DUXA: variants seen among roughly 807,000 people sequenced by gnomAD.
The protein encoded by DUXA is double homeobox A, also known as double homeobox protein A.
Under a neutral mutation model 27.5 loss-of-function variants are expected in DUXA, and 25 were observed. That is an observed-to-expected ratio of 0.91 (90% CI 0.66 to 1.27). The LOEUF (loss-of-function observed/expected upper bound fraction) is 1.27. Among genes scored for constraint, DUXA ranks in the 50% most tolerant of loss-of-function variants. The pLI, the probability that DUXA is intolerant of heterozygous loss-of-function variation, is 0.00. For missense variants in DUXA, 247 were observed against 242.9 expected, an observed-to-expected ratio of 1.02 and a Z score of -0.11; for synonymous variants, 90 against 80.5, an observed-to-expected ratio of 1.12 and a Z score of -0.63.
At chr19:57,164,612 G>T (rs1002709906) in intron 1 of DUXA, among the ~76,000 whole-genome samples, 1 of 151,808 alleles carries the variant, frequency 6.6e-6, no homozygotes, top group Non-Finnish European at 1.5e-5. Context: ...TTTAAAAAAG[G>T]CTAGATGACT....
At chr19:57,160,852 A>C (rs2087017409) in intron 1 of DUXA, 55 bp from the exon 2 acceptor site, 1 of 1,592,232 alleles carries the variant, frequency 6.3e-7, no homozygotes, top group Non-Finnish European at 8.6e-7. Context: ...ATATACTCAA[A>C]CTTCAGGTTC....
At chr19:57,155,206 G>C (rs1044422493) in intron 5 of DUXA, 61 bp downstream of exon 5, 30 of 1,474,846 alleles carry the variant, frequency 2.0e-5, no homozygotes, top group Non-Finnish European at 2.7e-5. Flanking sequence ...CCACCATGAC[G>C]AAGCACTGGA....
In DUXA at chr19:57,154,395, A is replaced by G. The variant is rs751805797; in HGVS notation, c.*17T>C. Reference sequence around the variant, plus strand: ...GGGTCCAGTTGATATTATCAAGTACACTGAATTTGACTGTGTTCACCACGT... The same window carrying G: ...GGGTCCAGTTGATATTATCAAGTACGCTGAATTTGACTGTGTTCACCACGT... On this transcript the variant is annotated 3_prime_UTR_variant, in exon 6 of 6. Coordinates refer to ENST00000554048, the MANE Select transcript of DUXA (RefSeq NM_001012729.2). 50 of 1,610,808 alleles carry G rather than the reference A, an allele frequency of 3.1e-5. No homozygotes were observed. The highest frequency in any genetic ancestry group is 4.1e-5 in the Non-Finnish European group (48 of 1,177,416).
chr19:57,156,397 C>T (rs1223044753), intron 4 of DUXA, among the ~76,000 whole-genome samples: 1 of 152,092 alleles, frequency 6.6e-6, no homozygotes, highest in Non-Finnish European at 1.5e-5. Context: ...AATCCCTCAC[C>T]TTCCAGCAGC....
chr19:57,160,350 A>G (rs758541143), intron 2 of DUXA, among the ~76,000 whole-genome samples: 3 of 152,228 alleles, frequency 2.0e-5, no homozygotes, highest in Non-Finnish European at 4.4e-5. Flanking sequence ...AATTATTAAT[A>G]TTTAATTGGT....
Position 57,159,281 on chromosome 19 carries a change from A to C in DUXA, c.181-3T>G. On this transcript the variant is annotated splice_polypyrimidine_tract_variant and splice_region_variant and intron_variant, in intron 2 of 5. Transcript: ENST00000554048. ...GCTCTTCGATTCTGAAACCAAATCT[A>C]AGTGAGGAAAAGAAAAGGAGAGAAT... The C allele has an allele frequency of 6.2e-7, 1 of 1,612,198 alleles. No individual in the cohort carries two copies.
intron 4 of DUXA, among the ~76,000 whole-genome samples, chr19:57,155,696 T>C (rs2086990249): frequency 1.6e-5 from 1 of 61,972 alleles, no homozygotes; most frequent in Admixed American, 1.4e-4. Context: ...TAATACGGAG[T>C]CTCACTCGGT....
intron 4 of DUXA, among the ~76,000 whole-genome samples, chr19:57,158,009 G>A (rs1354492026): frequency 1.3e-5 from 2 of 149,430 alleles, no homozygotes; most frequent in Non-Finnish European, 3.0e-5. Flanking sequence ...AAAAAAAAAG[G>A]CTTTAGCCAA....
At position 57,156,725 on chromosome 19, in the gene DUXA, C is replaced by T. The variant is rs926679307; in HGVS notation, c.439-1353G>A. ...TGTTGCCCAGGCTGAATTGCAGTGGCGTGATCTCGGCTCACCGCAACCTCC... is the reference window on the plus strand; with the variant it reads ...TGTTGCCCAGGCTGAATTGCAGTGGTGTGATCTCGGCTCACCGCAACCTCC... On this transcript the variant is annotated intron_variant, in intron 4 of 5. Coordinates refer to ENST00000554048, the MANE Select transcript of DUXA (RefSeq NM_001012729.2). Among the ~76,000 whole-genome samples, 10 of 152,180 alleles carry T rather than the reference C, an allele frequency of 6.6e-5. No homozygotes were observed. The East Asian group carries it at 1.5e-3, about 24-fold the overall frequency.
At chr19:57,163,081 G>T (rs2087032806) in intron 1 of DUXA, among the ~76,000 whole-genome samples, 1 of 151,914 alleles carries the variant, frequency 6.6e-6, no homozygotes, top group Non-Finnish European at 1.5e-5. Context: ...GTGTACTCCT[G>T]CCATGATATC....
At chr19:57,160,339 T>C (rs989806406) in intron 2 of DUXA, among the ~76,000 whole-genome samples, 3 of 152,254 alleles carry the variant, frequency 2.0e-5, no homozygotes, top group African/African-American at 4.8e-5. Flanking sequence ...TGATTTGCTC[T>C]AATTATTAAT....
intron 4 of DUXA, among the ~76,000 whole-genome samples, chr19:57,156,727 T>G (rs2086994846): frequency 6.6e-6 from 1 of 152,062 alleles, no homozygotes; most frequent in Non-Finnish European, 1.5e-5. Flanking sequence ...TGCAGTGGCG[T>G]GATCTCGGCT....
intron 1 of DUXA, among the ~76,000 whole-genome samples, chr19:57,165,346 T>C (rs2087048174): frequency 6.9e-6 from 1 of 143,996 alleles, no homozygotes; most frequent in East Asian, 2.0e-4. Flanking sequence ...TATATATATG[T>C]ATATATATAT....
At chr19:57,163,638 T>G (rs2087035958) in intron 1 of DUXA, among the ~76,000 whole-genome samples, 1 of 151,500 alleles carries the variant, frequency 6.6e-6, no homozygotes, top group Admixed American at 6.6e-5. Flanking sequence ...GAGACGTGGT[T>G]TTGCCACGTA....
At chr19:57,156,991 C>T (rs2086996059) in intron 4 of DUXA, among the ~76,000 whole-genome samples, 1 of 152,100 alleles carries the variant, frequency 6.6e-6, no homozygotes, top group African/African-American at 2.4e-5. Context: ...GTGAAAATGG[C>T]AGTTAAGTTT....
intron 1 of DUXA, among the ~76,000 whole-genome samples, chr19:57,161,464 ATAC>A (rs2087022481): frequency 1.3e-5 from 2 of 149,984 alleles, no homozygotes; most frequent in African/African-American, 2.5e-5. Context: ...TCTACTAAAA[ATAC>A]AAAAAATTAG....
At position 57,159,298 on chromosome 19, in the gene DUXA, G is replaced by T; in HGVS notation, c.181-20C>A. 1 of 1,605,954 alleles carries T rather than the reference G, an allele frequency of 6.2e-7. No homozygotes were observed. Among genetic ancestry groups the T allele is most frequent in the Non-Finnish European group, 8.5e-7 (1 of 1,174,030 alleles). The stretch of plus-strand genomic sequence containing the variant: ...CCAAATCTAAGTGAGGAAAAGAAAA[G>T]GAGAGAATTACGTGTTAATGTCATT... On this transcript the variant is annotated intron_variant, in intron 2 of 5. Coordinates refer to ENST00000554048, the MANE Select transcript of DUXA (RefSeq NM_001012729.2).
At chr19:57,161,357 C>T (rs1237862534) in intron 1 of DUXA, among the ~76,000 whole-genome samples, 11 of 109,672 alleles carry the variant, frequency 1.0e-4, no homozygotes, top group South Asian at 3.2e-4. Context: ...GGCGCGGTGG[C>T]TCACACCTGT....
intron 1 of DUXA, among the ~76,000 whole-genome samples, chr19:57,165,324 A>AAAAAAATATATATATAT (rs1491567041): frequency 6.7e-5 from 6 of 89,284 alleles, no homozygotes; most frequent in Non-Finnish European, 9.1e-5. Flanking sequence ...AAAAAAAAAA[A>AAAAAAATATATATATAT]ATATATATAT....
Sources: allele counts gnomAD v4.1 joint callset (sites outside exome capture counted in the v4.1 genomes callset), GRCh38; gene constraint gnomAD v4.1.1; transcripts MANE v1.5; gene names NCBI Gene and HGNC (gene_info 2026-07-23, HGNC 2026-07-21).